The following MAML3 variants were observed in gnomAD, a reference collection of about 807,000 sequenced individuals.
MAML3 encodes mastermind like transcriptional coactivator 3.
MAML3 carries 27 observed loss-of-function variants against 101.9 expected under a neutral mutation model. The ratio of observed to expected loss-of-function variants is 0.27; its 90% CI spans 0.20 to 0.37. MAML3 has a LOEUF of 0.37. MAML3 is among the 10% of genes least tolerant of loss of function. The pLI, the probability that MAML3 is intolerant of heterozygous loss-of-function variation, is 1.00. For missense variants in MAML3, 1,316 were observed against 1,444.9 expected, an observed-to-expected ratio of 0.91 and a Z score of 1.45; for synonymous variants, 501 against 555.9, an observed-to-expected ratio of 0.90 and a Z score of 1.39.
chr4:140,091,957 A>T (rs1471707498), intron 1 of MAML3, among the ~76,000 whole-genome samples: 1 of 151,620 alleles, frequency 6.6e-6, no homozygotes, highest in African/African-American at 2.4e-5. Flanking sequence ...CTATCTATTT[A>T]TTTCCTATCT....
chr4:139,859,787 G>A (rs1313651941), intron 2 of MAML3, among the ~76,000 whole-genome samples: 1 of 152,228 alleles, frequency 6.6e-6, no homozygotes, highest in Admixed American at 6.5e-5. Flanking sequence ...GAGAACTAAA[G>A]CTTGAATCCT....
chr4:140,104,388 T>A (rs59197885), intron 1 of MAML3, among the ~76,000 whole-genome samples: 2 of 42,108 alleles, frequency 4.7e-5, no homozygotes, highest in African/African-American at 1.1e-4. Flanking sequence ...TATATATATA[T>A]TATATATTAT....
At chr4:139,873,017 C>T (rs573468207) in intron 2 of MAML3, among the ~76,000 whole-genome samples, 9 of 152,110 alleles carry the variant, frequency 5.9e-5, no homozygotes, top group South Asian at 4.2e-4. Flanking sequence ...AGAAGGTAGA[C>T]GTTGCAGTGA....
intron 1 of MAML3, among the ~76,000 whole-genome samples, chr4:140,024,522 C>T (rs912547472): frequency 6.6e-6 from 1 of 152,082 alleles, no homozygotes; most frequent in Non-Finnish European, 1.5e-5. Flanking sequence ...GCTGGGATTA[C>T]AGGCGTGTGC....
chr4:139,736,035 C>A (rs1466213603), intron 2 of MAML3, among the ~76,000 whole-genome samples: 1 of 152,092 alleles, frequency 6.6e-6, no homozygotes, highest in Non-Finnish European at 1.5e-5. Context: ...TTGTTCGTGG[C>A]AGGAAAGAGT....
chr4:140,082,878 G>T (rs147604290), intron 1 of MAML3, among the ~76,000 whole-genome samples: 1 of 152,254 alleles, frequency 6.6e-6, no homozygotes, highest in East Asian at 1.9e-4. Context: ...AACCAGGGAA[G>T]GTTCTATTTA....
At chr4:139,852,117 A>G (rs1731564176) in intron 2 of MAML3, among the ~76,000 whole-genome samples, 1 of 152,206 alleles carries the variant, frequency 6.6e-6, no homozygotes, top group Non-Finnish European at 1.5e-5. Context: ...TGGAAGTACA[A>G]ACTTTGGAAT....
At chr4:139,776,711 C>G (rs1730103665) in intron 2 of MAML3, among the ~76,000 whole-genome samples, 1 of 152,188 alleles carries the variant, frequency 6.6e-6, no homozygotes, top group Non-Finnish European at 1.5e-5. Context: ...TGGGCATAGA[C>G]AGAAGCCAGG....
intron 2 of MAML3, among the ~76,000 whole-genome samples, chr4:139,768,873 C>G (rs1372225969): frequency 6.6e-6 from 1 of 152,106 alleles, no homozygotes; most frequent in Non-Finnish European, 1.5e-5. Context: ...TATATATTTT[C>G]CCCCCTTTTC....
intron 2 of MAML3, among the ~76,000 whole-genome samples, chr4:139,840,082 T>C (rs1487792079): frequency 6.6e-6 from 1 of 152,202 alleles, no homozygotes; most frequent in Non-Finnish European, 1.5e-5. Flanking sequence ...TGTCTTCCTG[T>C]GCATGGAAAT....
At chr4:139,896,454 C>G (rs993263784) in intron 1 of MAML3, among the ~76,000 whole-genome samples, 32 of 152,162 alleles carry the variant, frequency 2.1e-4, no homozygotes, top group African/African-American at 7.5e-4. Context: ...AGCTGTGGTG[C>G]CAGGAGCTGA....
At position 139,764,876 on chromosome 4, in the gene MAML3, C is replaced by T. The variant is rs558746990; in HGVS notation, c.2080-34209G>A. On this transcript the variant is annotated intron_variant, in intron 2 of 4. Coordinates refer to ENST00000509479, the MANE Select transcript of MAML3 (RefSeq NM_018717.5). ...GCTTGGCATGGCTCACTGCCGGCAT[C>T]GCGGCCACACTCCTGCTTCAGTGAC... Among the ~76,000 whole-genome samples, 26 of 152,356 alleles carry T rather than the reference C, an allele frequency of 1.7e-4. No homozygotes were observed. The South Asian group carries it at 2.1e-3, about 12-fold the overall frequency.
chr4:140,039,054 G>T (rs1727035267), intron 1 of MAML3, among the ~76,000 whole-genome samples: 1 of 152,144 alleles, frequency 6.6e-6, no homozygotes, highest in African/African-American at 2.4e-5. Context: ...GGGAGGTGGA[G>T]GTTGCAGTGA....
intron 2 of MAML3, among the ~76,000 whole-genome samples, chr4:139,820,631 G>A (rs1054835648): frequency 2.0e-5 from 3 of 152,150 alleles, no homozygotes; most frequent in African/African-American, 7.2e-5. Flanking sequence ...AAAATATTGG[G>A]ATCGTATGTA....
chr4:140,067,632 T>C (rs1026680810), intron 1 of MAML3, among the ~76,000 whole-genome samples: 5 of 152,020 alleles, frequency 3.3e-5, no homozygotes, highest in Non-Finnish European at 5.9e-5. Context: ...TTTGTGATAA[T>C]AAATATAACA....
At chr4:139,894,567 A>AAAG (rs1732569741) in intron 1 of MAML3, among the ~76,000 whole-genome samples, 1 of 140,248 alleles carries the variant, frequency 7.1e-6, no homozygotes, top group African/African-American at 2.7e-5. Flanking sequence ...AAGAAAGAAA[A>AAAG]GTAAACAGAG....
intron 2 of MAML3, among the ~76,000 whole-genome samples, chr4:139,823,192 A>G (rs188936253): frequency 1.2e-4 from 19 of 152,362 alleles, no homozygotes; most frequent in Admixed American, 9.8e-4. Context: ...TTAAGATTCT[A>G]TGAATACGAC....
chr4:139,915,765 G>A (rs921907656), intron 1 of MAML3, among the ~76,000 whole-genome samples: 1 of 152,102 alleles, frequency 6.6e-6, no homozygotes, highest in Admixed American at 6.6e-5. Flanking sequence ...CAGTGAACAT[G>A]CCCTGACCTC....
At chr4:139,858,830 G>T (rs556275458) in intron 2 of MAML3, among the ~76,000 whole-genome samples, 4 of 152,142 alleles carry the variant, frequency 2.6e-5, no homozygotes, top group Non-Finnish European at 5.9e-5. Context: ...TCAACACTGG[G>T]AATCTCAGTG....
Sources: allele counts gnomAD v4.1 joint callset (sites outside exome capture counted in the v4.1 genomes callset), GRCh38; gene constraint gnomAD v4.1.1; transcripts MANE v1.5; gene names NCBI Gene and HGNC (gene_info 2026-07-23, HGNC 2026-07-21).